CERS6: variants seen among roughly 807,000 people sequenced by gnomAD.
CERS6 encodes the protein LAG1 homolog, ceramide synthase 6.
In CERS6, 26 loss-of-function variants were observed where a neutral mutation model predicts 56.8. The observed-to-expected ratio is 0.46, with a 90% CI of 0.34 to 0.63. The LOEUF (loss-of-function observed/expected upper bound fraction) is 0.63, where lower values mean the gene tolerates loss of function less well. CERS6 is among the 30% of genes least tolerant of loss of function. The probability of loss-of-function intolerance (pLI) is 0.01; values close to 1 mark genes in which losing one functional copy is unlikely to be tolerated. For synonymous variants in CERS6, 164 were observed against 173.3 expected, an observed-to-expected ratio of 0.95 and a Z score of 0.42; for missense variants, 415 against 467.5, an observed-to-expected ratio of 0.89 and a Z score of 1.04.
chr2:168,746,811 ATATATATAT>A (rs1559078559), intron 8 of CERS6, among the ~76,000 whole-genome samples: 23 of 117,828 alleles, frequency 2.0e-4, no homozygotes, highest in Admixed American at 2.7e-4. Context: ...ATATATATAT[ATATATATAT>A]AAAATCATCT....
intron 3 of CERS6, among the ~76,000 whole-genome samples, chr2:168,582,399 T>C (rs1038822676): frequency 6.6e-6 from 1 of 152,168 alleles, no homozygotes; most frequent in African/African-American, 2.4e-5. Context: ...ATTTTTATCC[T>C]GAGAGCTTCT....
intron 3 of CERS6, among the ~76,000 whole-genome samples, chr2:168,583,823 A>G (rs149181346): frequency 2.7e-3 from 415 of 152,332 alleles, no homozygotes; most frequent in Admixed American, 8.2e-3. Flanking sequence ...AATAAAATGA[A>G]TGCTGACTCT....
chr2:168,745,931 G>A (rs1174758032), intron 8 of CERS6, among the ~76,000 whole-genome samples: 1 of 152,162 alleles, frequency 6.6e-6, no homozygotes, highest in East Asian at 1.9e-4. Flanking sequence ...GCTGGCCTCT[G>A]GGTCACCTCC....
chr2:168,580,976 G>C (rs572340010), intron 3 of CERS6, among the ~76,000 whole-genome samples: 2 of 150,958 alleles, frequency 1.3e-5, no homozygotes, highest in South Asian at 4.2e-4. Context: ...TATTCCTCTC[G>C]AGATTCTCTG....
chr2:168,573,091 A>C (rs1205892303), intron 3 of CERS6, among the ~76,000 whole-genome samples: 2 of 152,138 alleles, frequency 1.3e-5, no homozygotes, highest in African/African-American at 4.8e-5. Flanking sequence ...ACATGGACCA[A>C]ATGGAGAAAA....
rs185919286 is a variant in CERS6, at chr2:168,705,481, G to C, written c.610-9520G>C. ...ATTCTGTATGTTTGTGAGGGGTTGG[G>C]AGTAGGAAGCTCAGGCAGTTGAAGA... On this transcript the variant is annotated intron_variant, in intron 6 of 9. Coordinates refer to ENST00000305747, the MANE Select transcript of CERS6 (RefSeq NM_203463.3). Among the ~76,000 whole-genome samples the C allele has an allele frequency of 2.4e-3, 368 of 152,330 alleles. 1 individual carries two copies. Among genetic ancestry groups the C allele is most frequent in the African/African-American group, 8.3e-3 (345 of 41,570 alleles).
chr2:168,641,983 G>A (rs924388024), intron 4 of CERS6, among the ~76,000 whole-genome samples: 2 of 151,908 alleles, frequency 1.3e-5, no homozygotes, highest in Admixed American at 1.3e-4. Context: ...ATCAAGTATG[G>A]TATAGTAATT....
intron 3 of CERS6, among the ~76,000 whole-genome samples, chr2:168,572,800 A>G (rs1055861840): frequency 1.3e-5 from 2 of 152,124 alleles, no homozygotes; most frequent in Non-Finnish European, 2.9e-5. Context: ...TTTGACCGTC[A>G]ATACCTTGAG....
At chr2:168,762,564 C>T (rs1351111154) in intron 8 of CERS6, among the ~76,000 whole-genome samples, 2 of 152,074 alleles carry the variant, frequency 1.3e-5, no homozygotes, top group East Asian at 3.9e-4. Flanking sequence ...GAAATCATTC[C>T]ATTTATACCA....
intron 1 of CERS6, among the ~76,000 whole-genome samples, chr2:168,470,285 A>G (rs1031278332): frequency 8.6e-5 from 13 of 151,424 alleles, no homozygotes; most frequent in African/African-American, 3.2e-4. Context: ...CCAGAGGCTG[A>G]GATGGGAGGA....
At chr2:168,675,980 C>T (rs1052194821) in intron 4 of CERS6, among the ~76,000 whole-genome samples, 8 of 152,142 alleles carry the variant, frequency 5.3e-5, no homozygotes, top group Non-Finnish European at 8.8e-5. Context: ...TCACTGCACT[C>T]GGCCAAAATA....
chr2:168,575,184 TA>T (rs1223176898), intron 3 of CERS6, among the ~76,000 whole-genome samples: 1 of 152,202 alleles, frequency 6.6e-6, no homozygotes. Flanking sequence ...ACCTTGAATT[TA>T]AAATGGGGCC....
intron 4 of CERS6, among the ~76,000 whole-genome samples, chr2:168,665,344 T>C (rs900624917): frequency 1.4e-4 from 22 of 152,156 alleles, no homozygotes; most frequent in African/African-American, 4.8e-4. Flanking sequence ...ATAACATAAG[T>C]TATTTAAACA....
chr2:168,761,644 C>T (rs149881986), intron 8 of CERS6, among the ~76,000 whole-genome samples: 78 of 152,236 alleles, frequency 5.1e-4, no homozygotes, highest in African/African-American at 1.7e-3. Flanking sequence ...TTAGCAAACA[C>T]GTGGTCAATC....
At chr2:168,553,932 G>A (rs1043174601) in intron 2 of CERS6, among the ~76,000 whole-genome samples, 3 of 152,170 alleles carry the variant, frequency 2.0e-5, no homozygotes, top group Non-Finnish European at 1.5e-5. Context: ...ATCAGTGAAA[G>A]CTGGCAAATC....
rs1160024194 is a variant in CERS6 at position 168,620,014 on chromosome 2, T to TACACACAC, written c.408-10929_408-10922dup. On this transcript the variant is annotated intron_variant, in intron 3 of 9. Coordinates refer to ENST00000305747, the MANE Select transcript of CERS6 (RefSeq NM_203463.3). ...GCATTTGGGCTGGTTCCACAATCCA[T>TACACACAC]ACACACACACACACACACACACACA... 7.3e-3 allele frequency among the ~76,000 whole-genome samples: 449 copies of TACACACAC among 61,196 alleles called. 2 individuals are homozygous for TACACACAC. The highest frequency in any genetic ancestry group is 0.018 in the African/African-American group (415 of 23,028). The allele number at this position is 61,196 out of a possible 152,430, so 40.1% of individuals were successfully genotyped here.
At chr2:168,649,448 AT>A (rs1287076904) in intron 4 of CERS6, among the ~76,000 whole-genome samples, 1 of 152,142 alleles carries the variant, frequency 6.6e-6, no homozygotes, top group African/African-American at 2.4e-5. Flanking sequence ...AATGTGGATT[AT>A]TTATGGCAGG....
chr2:168,547,574 T>C (rs755896732), intron 1 of CERS6, 22 bp from the exon 2 acceptor site: 1 of 1,510,164 alleles, frequency 6.6e-7, no homozygotes, highest in Non-Finnish European at 9.1e-7. Flanking sequence ...ACCTTCTACT[T>C]TTTTCTTTTT....
intron 3 of CERS6, among the ~76,000 whole-genome samples, chr2:168,610,135 G>A (rs996367981): frequency 4.6e-5 from 7 of 151,768 alleles, no homozygotes; most frequent in Admixed American, 3.3e-4. Flanking sequence ...CCACCACCAC[G>A]CCTGGTTAAT....
Sources: gnomAD v4.1 joint callset for allele counts (sites outside exome capture counted in the v4.1 genomes callset) on GRCh38, gnomAD v4.1.1 for gene constraint, MANE v1.5 for transcripts, NCBI Gene and HGNC (gene_info 2026-07-23, HGNC 2026-07-21) for gene names.